CDH23: variants seen among roughly 807,000 people sequenced by gnomAD.
CDH23 encodes cadherin related 23.
In CDH23, 189 loss-of-function variants were observed where a neutral mutation model predicts 317.1. The observed-to-expected ratio is 0.60, with a 90% CI of 0.53 to 0.67. The LOEUF is 0.67. Among genes scored for constraint, CDH23 ranks in the 30% least tolerant of loss-of-function variants. The probability of loss-of-function intolerance (pLI) is 0.00; values close to 1 mark genes in which losing one functional copy is unlikely to be tolerated. For missense variants in CDH23, 4,401 were observed against 4,592.4 expected, an observed-to-expected ratio of 0.96 and a Z score of 1.20; for synonymous variants, 1,839 against 1,876.8, an observed-to-expected ratio of 0.98 and a Z score of 0.52.
In CDH23 at chr10:71,808,050, TC is replaced by T. The variant is rs780404786; in HGVS notation, c.8722+44del. 2.5e-4 allele frequency: 389 copies of T among 1,556,290 alleles called. 3 individuals carry two copies. In the South Asian group the frequency reaches 2.5e-3, roughly 10 times the overall value. ...ATGAGTGGCCTCTAGCCATGACCTC[TC>T]AGTCACTGCATGGACTGTCATCTGG... On this transcript the variant is annotated intron_variant, in intron 60 of 69. Transcript: ENST00000224721.
chr10:71,421,076 G>A lies in CDH23; in HGVS notation c.-5-18751G>A, dbSNP rs536830240. ...TCTGTCATTCTCTCCAGACTTCAGAGGTCTCCAGGTTCTTATACTGCTCTC... is the reference window on the plus strand; with the variant it reads ...TCTGTCATTCTCTCCAGACTTCAGAAGTCTCCAGGTTCTTATACTGCTCTC... On this transcript the variant is annotated intron_variant, in intron 1 of 69. Transcript: ENST00000224721. Among the ~76,000 whole-genome samples, 9 of 152,338 alleles carry A rather than the reference G, an allele frequency of 5.9e-5. No homozygotes were observed. The East Asian group carries it at 1.2e-3, about 20-fold the overall frequency.
At position 71,779,299 on chromosome 10, in the gene CDH23, T is replaced by A; in HGVS notation, c.5220T>A (p.Asn1740Lys). The change falls in exon 41 of 70, where the codon AAT (asparagine) becomes AAA (lysine). Residue 1740 changes from asparagine to lysine, a missense_variant. Coordinates refer to ENST00000224721, the MANE Select transcript of CDH23 (RefSeq NM_022124.6). Reference protein sequence around the residue: ...VLVNVNDINDNVPTFPRDYEG... With the variant: ...VLVNVNDINDKVPTFPRDYEG... Reference sequence around the variant, plus strand: ...TGAATGTGAATGACATCAACGACAATGTGCCTACCTTCCCCCGGGACTATG... The same window carrying A: ...TGAATGTGAATGACATCAACGACAAAGTGCCTACCTTCCCCCGGGACTATG... The A allele has an allele frequency of 6.2e-7, 1 of 1,613,972 alleles. No individual in the cohort carries two copies. Among genetic ancestry groups the A allele is most frequent in the Non-Finnish European group, 8.5e-7 (1 of 1,179,878 alleles).
At chr10:71,522,890 G>T (rs910432639) in intron 6 of CDH23, among the ~76,000 whole-genome samples, 1 of 152,142 alleles carries the variant, frequency 6.6e-6, no homozygotes, top group Non-Finnish European at 1.5e-5. Context: ...CTTCCAGTTG[G>T]TAAGAAAGGT....
chr10:71,609,144 G>C (rs958628554), intron 9 of CDH23, among the ~76,000 whole-genome samples: 1 of 151,968 alleles, frequency 6.6e-6, no homozygotes, highest in South Asian at 2.1e-4. Context: ...GGGCGTGAAG[G>C]GGGGTAGCCT....
chr10:71,510,856 A>AG (rs977737661), intron 4 of CDH23, 98 bp from the exon 5 acceptor site: 1 of 1,187,100 alleles, frequency 8.4e-7, no homozygotes, highest in African/African-American at 1.5e-5. Context: ...GCAAGCTCCT[A>AG]GGGCAATCCT....
At chr10:71,501,832 C>T (rs1259838888) in intron 3 of CDH23, among the ~76,000 whole-genome samples, 1 of 152,180 alleles carries the variant, frequency 6.6e-6, no homozygotes, top group East Asian at 1.9e-4. Context: ...GGGACCCGGC[C>T]AGCCAGGAGG....
At position 71,703,780 on chromosome 10, in the gene CDH23, C is replaced by T. The variant is rs575108899; in HGVS notation, c.2733+1086C>T. On this transcript the variant is annotated intron_variant, in intron 24 of 69. Coordinates refer to ENST00000224721, the MANE Select transcript of CDH23 (RefSeq NM_022124.6). ...GCAGGGAGCGCCTCAATCCAGGGAA[C>T]GGCAGTCGGTCCCCGAGGAAGCCCC... Among the ~76,000 whole-genome samples, 12 of 152,292 alleles carry T rather than the reference C, an allele frequency of 7.9e-5. No homozygotes were observed. In the South Asian group the frequency reaches 1.2e-3, roughly 16 times the overall value.
intron 6 of CDH23, among the ~76,000 whole-genome samples, chr10:71,540,423 C>G (rs992995530): frequency 6.6e-6 from 1 of 152,176 alleles, no homozygotes; most frequent in Non-Finnish European, 1.5e-5. Flanking sequence ...CTCACCCGCC[C>G]CAGCCTTCCC....
At chr10:71,745,168 G>T (rs1180758907) in intron 38 of CDH23, among the ~76,000 whole-genome samples, 1 of 152,218 alleles carries the variant, frequency 6.6e-6, no homozygotes, top group Non-Finnish European at 1.5e-5. Flanking sequence ...TGTGGTCTGT[G>T]GCCTGAAGAA....
chr10:71,628,627 A>C (rs1028544544), intron 11 of CDH23, among the ~76,000 whole-genome samples: 1 of 152,072 alleles, frequency 6.6e-6, no homozygotes, highest in African/African-American at 2.4e-5. Flanking sequence ...CCTCCTGAGT[A>C]GTTGGGATTA....
chr10:71,756,494 GA>G (rs1207673116), intron 38 of CDH23, among the ~76,000 whole-genome samples: 1 of 152,192 alleles, frequency 6.6e-6, no homozygotes, highest in African/African-American at 2.4e-5. Context: ...ACTCAGCAAG[GA>G]AATCTGTAGT....
intron 29 of CDH23, among the ~76,000 whole-genome samples, chr10:71,724,858 G>C (rs1168835312): frequency 6.6e-6 from 1 of 152,230 alleles, no homozygotes; most frequent in East Asian, 1.9e-4. Context: ...TGGACTGACA[G>C]TAGAGGAGAG....
intron 48 of CDH23, among the ~76,000 whole-genome samples, chr10:71,796,620 T>G (rs1050907360): frequency 3.3e-5 from 5 of 152,234 alleles, no homozygotes; most frequent in African/African-American, 1.2e-4. Flanking sequence ...TAACGAAATT[T>G]ACCATTTTAG....
In CDH23 at chr10:71,764,883, G is replaced by A. The variant is rs534786535; in HGVS notation, c.4846-12797G>A. 4.6e-5 allele frequency among the ~76,000 whole-genome samples: 7 copies of A among 152,310 alleles called. No homozygotes were observed. The South Asian group carries it at 1.4e-3, about 32-fold the overall frequency. The stretch of plus-strand genomic sequence containing the variant: ...CCCAGGGAAAGCCTGGCAGTGCAGG[G>A]ACTAGCCAACTCTCCTCTGCTAACC... On this transcript the variant is annotated intron_variant, in intron 38 of 69. Transcript: ENST00000224721.
At position 71,397,816 on chromosome 10, in the gene CDH23, C is replaced by CG. The variant is rs1005706724; in HGVS notation, c.-6+499dup. Among the ~76,000 whole-genome samples, 1 of 152,048 alleles carries CG rather than the reference C, an allele frequency of 6.6e-6. No homozygotes were observed. ...GAGGCGCTGAGGGGAACTAAAGGCA[C>CG]GTAGTTCTCCCCTCCCCTCATCAAG... On this transcript the variant is annotated intron_variant, in intron 1 of 69. Transcript: ENST00000224721. This position sits in a 1 kb window ranked among gnomAD's most constrained non-coding sequence, Gnocchi z 4.8.
chr10:71,589,848 G>A (rs1189720091), intron 9 of CDH23, among the ~76,000 whole-genome samples: 1 of 152,348 alleles, frequency 6.6e-6, no homozygotes, highest in Non-Finnish European at 1.5e-5. Context: ...CCACTTCTTG[G>A]ATGTGTGGGA....
intron 1 of CDH23, among the ~76,000 whole-genome samples, chr10:71,414,047 T>TTGTGTGTG (rs34017042): frequency 0.04 from 5,769 of 142,902 alleles, 201 homozygotes; most frequent in African/African-American, 0.098. Flanking sequence ...CTCCTGGGTT[T>TTGTGTGTG]TGTGTGTGTG....
chr10:71,446,350 C>A lies in CDH23; in HGVS notation c.100C>A (p.His34Asn), dbSNP rs1368958036. 1 of 1,613,912 alleles carries A rather than the reference C, an allele frequency of 6.2e-7. No individual in the cohort carries two copies. The highest frequency in any genetic ancestry group is 1.3e-5 in the African/African-American group (1 of 74,940). Residue 34 changes from histidine (H) to asparagine (N), a missense_variant, in exon 3 of 70, where the codon CAC becomes AAC. Physicochemically the swap from His to Asn is moderately conservative, Grantham distance 68 (BLOSUM62 1). This residue lies in a region of CDH23 where 3,068 missense variants were observed against 3,203.3 expected (regional missense o/e 0.96). Transcript: ENST00000224721. ...GAACCGGCTGCCCTTCTTCACCAAC[C>A]ACTTCTTTGATACATACCTGCTGAT... ...QVNRLPFFTN[H>N]FFDTYLLISE...
intron 37 of CDH23, among the ~76,000 whole-genome samples, chr10:71,741,309 C>T (rs10999979): frequency 6.6e-6 from 1 of 152,144 alleles, no homozygotes; most frequent in African/African-American, 2.4e-5. Flanking sequence ...CTAGGTTGGA[C>T]GTTCATGAAG....
Sources: gnomAD v4.1 joint callset for allele counts (sites outside exome capture counted in the v4.1 genomes callset) on GRCh38, gnomAD v4.1.1 for gene constraint, gnomAD v4.1.1 regional missense constraint, Gnocchi (gnomAD v3.1) non-coding constraint, MANE v1.5 for transcripts, NCBI Gene and HGNC (gene_info 2026-07-23, HGNC 2026-07-21) for gene names.